NUDT5: variants seen among roughly 807,000 people sequenced by gnomAD.
The protein encoded by NUDT5 is nudix hydrolase 5.
NUDT5 carries 21 observed loss-of-function variants against 34.1 expected under a neutral mutation model. That is an observed-to-expected ratio of 0.62 (90% CI 0.44 to 0.89). The LOEUF (loss-of-function observed/expected upper bound fraction) is 0.89, where lower values mean the gene tolerates loss of function less well. Ranked by LOEUF, NUDT5 falls within the 40% of genes least tolerant of loss-of-function variation. The pLI, the probability that NUDT5 is intolerant of heterozygous loss-of-function variation, is 0.00. For synonymous variants in NUDT5, 85 were observed against 97.6 expected (o/e 0.87, Z 0.76); for missense variants, 249 against 274.8 (o/e 0.91, Z 0.66).
At chr10:12,194,717 G>A (rs1236144513) in intron 1 of NUDT5, among the ~76,000 whole-genome samples, 1 of 152,240 alleles carries the variant, frequency 6.6e-6, no homozygotes, top group Non-Finnish European at 1.5e-5. Flanking sequence ...ACACCCTTCT[G>A]AAGAGGCCTG....
At chr10:12,180,617 T>C (rs967533233) in intron 3 of NUDT5, 1 of 152,222 alleles carries the variant, frequency 6.6e-6, no homozygotes, top group African/African-American at 2.4e-5. Flanking sequence ...CGGAATAAGA[T>C]TGCCCAGTGA....
intron 1 of NUDT5, among the ~76,000 whole-genome samples, chr10:12,186,618 CTTT>C (rs201888699): frequency 4.2e-5 from 5 of 120,330 alleles, no homozygotes; most frequent in African/African-American, 9.2e-5. Context: ...TCAGATTTTT[CTTT>C]TTTTTTTTTT....
At position 12,171,039 on chromosome 10, in the gene NUDT5, A is replaced by G. The variant is rs1345165393; in HGVS notation, c.488-131T>C. 1 of 919,142 alleles carries G rather than the reference A, an allele frequency of 1.1e-6. No individual in the cohort carries two copies. The highest frequency in any genetic ancestry group is 1.7e-6 in the Non-Finnish European group (1 of 598,512). The allele number at this position is 919,142 out of a possible 1,614,324, so 56.9% of individuals were successfully genotyped here. A position where few individuals can be genotyped will look rare whatever the true frequency, so the allele number is the denominator to read the frequency against. The stretch of plus-strand genomic sequence containing the variant: ...CTGGGTTTCTGCTAACTTAATTTAT[A>G]TACATTGTCAAACTCGAGCAGTATG... On this transcript the variant is annotated intron_variant, in intron 7 of 9. Coordinates refer to ENST00000491614, the MANE Select transcript of NUDT5 (RefSeq NM_014142.4). The surrounding 1 kb of genome is among the most constrained non-coding windows in gnomAD (Gnocchi z 4.2).
chr10:12,181,786 C>G lies in NUDT5; in HGVS notation c.132-2654G>C, dbSNP rs1171694560. Among the ~76,000 whole-genome samples the G allele has an allele frequency of 6.6e-6, 1 of 151,812 alleles. No homozygotes were observed. Among genetic ancestry groups the G allele is most frequent in the African/African-American group, 2.4e-5 (1 of 41,304 alleles). On this transcript the variant is annotated intron_variant, in intron 3 of 9. Transcript: ENST00000491614. This position sits in a 1 kb window ranked among gnomAD's most constrained non-coding sequence, Gnocchi z 5.0. ...TTGAGTTCAGGGGTTCGAGACCAGC[C>G]TGGGCAACATAGTGAGACTCTGTCT...
At position 12,173,744 on chromosome 10, in the gene NUDT5, T is replaced by G. The variant is rs1834900052; in HGVS notation, c.359A>C (p.Lys120Thr). Residue 120 changes from lysine (K) to threonine (T), a missense_variant, in exon 6 of 10, where the codon AAA becomes ACA. Lys to Thr is a moderately conservative substitution (Grantham distance 78). Coordinates refer to ENST00000491614, the MANE Select transcript of NUDT5 (RefSeq NM_014142.4). The surrounding 1 kb of genome is among the most constrained non-coding windows in gnomAD (Gnocchi z 4.7). ...TGGAGAACATTCGGCAATGTCCCCT[T>G]TGTAGCCAGTTTCTTCTTCAAGCTC... ...LRELEEETGY[K>T]GDIAECSPAV... 1 of 1,613,890 alleles carries G rather than the reference T, an allele frequency of 6.2e-7. No individual in the cohort carries two copies. Among genetic ancestry groups the G allele is most frequent in the Non-Finnish European group, 8.5e-7 (1 of 1,179,864 alleles).
chr10:12,166,470 T>A lies in NUDT5; in HGVS notation c.*1232A>T, dbSNP rs1436685783. On this transcript the variant is annotated 3_prime_UTR_variant, in exon 10 of 10. Transcript: ENST00000491614. ...GTTCTGTATTTCCATAATTGTTTTA[T>A]CTTTAGGAAGTCCAGTGTAAAGATC... is the stretch of plus-strand genomic sequence containing the variant. 8.1e-6 allele frequency: 2 copies of A among 246,742 alleles called. No individual in the cohort carries two copies. The highest frequency in any genetic ancestry group is 4.5e-5 in the African/African-American group (2 of 44,392). The allele number at this position is 246,742 out of a possible 1,614,324, so 15.3% of individuals were successfully genotyped here. A position where few individuals can be genotyped will look rare whatever the true frequency, so the allele number is the denominator to read the frequency against.
Position 12,181,959 on chromosome 10 carries a change from C to T in NUDT5, c.132-2827G>A, listed in dbSNP as rs1042320655. Among the ~76,000 whole-genome samples the T allele has an allele frequency of 8.5e-5, 13 of 152,098 alleles. No homozygotes were observed. Among genetic ancestry groups the T allele is most frequent in the African/African-American group, 3.1e-4 (13 of 41,426 alleles). On this transcript the variant is annotated intron_variant, in intron 3 of 9. Transcript: ENST00000491614. The surrounding 1 kb of genome is among the most constrained non-coding windows in gnomAD (Gnocchi z 5.0). ...TTTCAGACCATCCTGGCCAACAACA[C>T]TGCCTCTACTAAAAATACAAAAATC...
In NUDT5 at chr10:12,186,284, C is replaced by T. The variant is rs1245714558; in HGVS notation, c.8G>A (p.Ser3Asn). ME[S>N]QEPTESSQNG... ...CTGAGAAGATTCCGTTGGTTCTTGG[C>T]TCTCCATTTTCAAACGAGTCTTTAC... Residue 3 changes from serine to asparagine, a missense_variant, in exon 2 of 10, where the codon AGC (serine) becomes AAC (asparagine). By Grantham distance (46) the Ser-to-Asn change is conservative. Coordinates refer to ENST00000491614, the MANE Select transcript of NUDT5 (RefSeq NM_014142.4). 6.2e-7 allele frequency: 1 copy of T among 1,613,172 alleles called. No individual in the cohort carries two copies. The highest frequency in any genetic ancestry group is 8.5e-7 in the Non-Finnish European group (1 of 1,179,072).
chr10:12,183,890 C>T lies in NUDT5; in HGVS notation c.131+999G>A, dbSNP rs541915471. On this transcript the variant is annotated intron_variant, in intron 3 of 9. Coordinates refer to ENST00000491614, the MANE Select transcript of NUDT5 (RefSeq NM_014142.4). ...TTGTCTTCAGAATCTGCTTTTTAGACGGCTGCAGAGATTTTACCAAGGGAA... is the reference window on the plus strand; with the variant it reads ...TTGTCTTCAGAATCTGCTTTTTAGATGGCTGCAGAGATTTTACCAAGGGAA... Among the ~76,000 whole-genome samples, 23 of 152,252 alleles carry T rather than the reference C, an allele frequency of 1.5e-4. No homozygotes were observed. In the East Asian group the frequency reaches 2.7e-3, roughly 18 times the overall value.
chr10:12,179,546 G>A (rs528450551), intron 3 of NUDT5, among the ~76,000 whole-genome samples: 21 of 152,322 alleles, frequency 1.4e-4, no homozygotes, highest in African/African-American at 4.1e-4. Flanking sequence ...TATGGACAAC[G>A]TGAACTATTG....
chr10:12,176,958 C>G (rs1588657460), intron 5 of NUDT5, among the ~76,000 whole-genome samples: 1 of 151,994 alleles, frequency 6.6e-6, no homozygotes, highest in East Asian at 1.9e-4. Context: ...CCTGTCTCTA[C>G]AAAAAATACA....
rs565952609 is a variant in NUDT5 at position 12,173,663 on chromosome 10, A to G, written c.385+55T>C. ...AGCGTAAAGAACACCCAAATAATCA[A>G]TCCCTTCCCAGACGGAGGAATCCAT... is the stretch of plus-strand genomic sequence containing the variant. On this transcript the variant is annotated intron_variant, in intron 6 of 9. Coordinates refer to ENST00000491614, the MANE Select transcript of NUDT5 (RefSeq NM_014142.4). This position sits in a 1 kb window ranked among gnomAD's most constrained non-coding sequence, Gnocchi z 4.7. 3.1e-5 allele frequency: 40 copies of G among 1,297,968 alleles called. 1 individual carries two copies. The South Asian group carries it at 4.0e-4, about 13-fold the overall frequency. 80.4% of individuals were successfully genotyped at this position (1,297,968 alleles called of 1,614,324 possible).
Position 12,173,633 on chromosome 10 carries a change from T to C in NUDT5, c.385+85A>G. On this transcript the variant is annotated intron_variant, in intron 6 of 9. Transcript: ENST00000491614. The surrounding 1 kb of genome is among the most constrained non-coding windows in gnomAD (Gnocchi z 4.7). ...CTGTGATTTCTTTCTCTTCAGTGAA[T>C]TCTGAGCGTAAAGAACACCCAAATA... The C allele has an allele frequency of 9.7e-7, 1 of 1,027,512 alleles. No individual in the cohort carries two copies. The highest frequency in any genetic ancestry group is 1.3e-5 in the South Asian group (1 of 78,696). The allele number at this position is 1,027,512 out of a possible 1,614,324, so 63.6% of individuals were successfully genotyped here. A position where few individuals can be genotyped will look rare whatever the true frequency, so the allele number is the denominator to read the frequency against.
intron 3 of NUDT5, among the ~76,000 whole-genome samples, chr10:12,183,274 C>T (rs142997405): frequency 6.6e-6 from 1 of 152,334 alleles, no homozygotes; most frequent in East Asian, 1.9e-4. Flanking sequence ...ATATCAAACT[C>T]ACTTGGCATC....
In NUDT5 at chr10:12,168,257, C is replaced by T. The variant is rs1044097200; in HGVS notation, c.551-446G>A. On this transcript the variant is annotated intron_variant, in intron 9 of 9. Transcript: ENST00000491614. This position sits in a 1 kb window ranked among gnomAD's most constrained non-coding sequence, Gnocchi z 4.8. ...GCCAGGATGGTTTCGATCTCCTGAC[C>T]TCGTGATCCACCCGCCTCAGCCTCC... 1.3e-5 allele frequency among the ~76,000 whole-genome samples: 2 copies of T among 152,086 alleles called. No homozygotes were observed. The highest frequency in any genetic ancestry group is 2.9e-5 in the Non-Finnish European group (2 of 68,008).
rs1834859382 is a variant in NUDT5, at chr10:12,171,707, AT to A, written c.488-800del. ...ATTTATTTTATTTATTTATTTATTT[AT>A]TTATTTATTTATTTATTTATTTATT... is the stretch of plus-strand genomic sequence containing the variant. On this transcript the variant is annotated intron_variant, in intron 7 of 9. Coordinates refer to ENST00000491614, the MANE Select transcript of NUDT5 (RefSeq NM_014142.4). The surrounding 1 kb of genome is among the most constrained non-coding windows in gnomAD (Gnocchi z 4.2). Among the ~76,000 whole-genome samples the A allele has an allele frequency of 6.7e-6, 1 of 149,442 alleles. No individual in the cohort carries two copies. Among genetic ancestry groups the A allele is most frequent in the African/African-American group, 2.5e-5 (1 of 40,684 alleles).
chr10:12,172,585 G>C (rs983321053), intron 7 of NUDT5, 180 bp downstream of exon 7: 2 of 598,632 alleles, frequency 3.3e-6, no homozygotes, highest in Non-Finnish European at 6.0e-6. Flanking sequence ...TGAATGAAGT[G>C]GCAAAAGAAA....
rs765578941 is a variant in NUDT5 at position 12,170,927 on chromosome 10, A to G, written c.488-19T>C. 6.2e-7 allele frequency: 1 copy of G among 1,612,810 alleles called. No individual in the cohort carries two copies. The highest frequency in any genetic ancestry group is 1.7e-5 in the Admixed American group (1 of 59,796). ...CCATCCCCTGGAAATAAACAGAAGG[A>G]AAACATTTCAGCAAGGCCTGGAGTG... On this transcript the variant is annotated intron_variant, in intron 7 of 9. Coordinates refer to ENST00000491614, the MANE Select transcript of NUDT5 (RefSeq NM_014142.4). This position sits in a 1 kb window ranked among gnomAD's most constrained non-coding sequence, Gnocchi z 4.9.
intron 5 of NUDT5, among the ~76,000 whole-genome samples, chr10:12,177,372 A>T (rs1476030724): frequency 6.6e-6 from 1 of 151,540 alleles, no homozygotes; most frequent in African/African-American, 2.4e-5. Context: ...ACAAAAAATT[A>T]GCCGGGCGTG....
Sources: gnomAD v4.1 joint callset for allele counts (sites outside exome capture counted in the v4.1 genomes callset) on GRCh38, gnomAD v4.1.1 for gene constraint, Gnocchi (gnomAD v3.1) non-coding constraint, MANE v1.5 for transcripts, NCBI Gene and HGNC (gene_info 2026-07-23, HGNC 2026-07-21) for gene names.